Variants in DOCK1 observed in about 807,000 individuals in gnomAD.
The protein encoded by DOCK1 is dedicator of cytokinesis protein 1.
In DOCK1, 138 loss-of-function variants were observed where a neutral mutation model predicts 262.7. The observed-to-expected ratio is 0.53, with a 90% confidence interval of 0.46 to 0.61. The LOEUF (loss-of-function observed/expected upper bound fraction) is 0.61, where lower values mean the gene tolerates loss of function less well. DOCK1 is among the 20% of genes least tolerant of loss of function. The pLI is 0.00. For missense variants in DOCK1, 1,908 were observed against 2,370.7 expected, an observed-to-expected ratio of 0.80 and a Z score of 4.05; for synonymous variants, 866 against 867.4, an observed-to-expected ratio of 1.00 and a Z score of 0.03.
At chr10:127,428,456 G>A (rs1013287065) in intron 47 of DOCK1, among the ~76,000 whole-genome samples, 1 of 151,424 alleles carries the variant, frequency 6.6e-6, no homozygotes, top group Admixed American at 6.6e-5. Flanking sequence ...GTGCCTTGTG[G>A]ATTGGGGTGC....
Position 127,375,216 on chromosome 10 carries a change from G to A in DOCK1, c.3675+1002G>A, listed in dbSNP as rs560847753. ...GGCCAGCCTCATGGCTCTCAGCAGC[G>A]TTGTGATTCCCACAGCCTGGCTCCA... On this transcript the variant is annotated intron_variant, in intron 35 of 51. Coordinates refer to ENST00000623213, the MANE Select transcript of DOCK1 (RefSeq NM_001290223.2). Among the ~76,000 whole-genome samples the A allele has an allele frequency of 1.1e-3, 163 of 152,358 alleles. 1 individual carries two copies. Among genetic ancestry groups the A allele is most frequent in the African/African-American group, 2.0e-3 (82 of 41,578 alleles).
intron 29 of DOCK1, among the ~76,000 whole-genome samples, chr10:127,261,393 A>G (rs1321346301): frequency 2.3e-5 from 2 of 85,926 alleles, no homozygotes; most frequent in Non-Finnish European, 4.5e-5. Flanking sequence ...GTGTACCTGC[A>G]TGTGTGTGCA....
At chr10:127,365,897 A>C (rs2064878524) in intron 33 of DOCK1, among the ~76,000 whole-genome samples, 1 of 152,190 alleles carries the variant, frequency 6.6e-6, no homozygotes, top group Non-Finnish European at 1.5e-5. Flanking sequence ...CCGCCTTCCC[A>C]TTGGGGCTTC....
intron 23 of DOCK1, among the ~76,000 whole-genome samples, chr10:127,067,406 A>G (rs1469800144): frequency 1.3e-5 from 2 of 152,310 alleles, no homozygotes; most frequent in East Asian, 3.9e-4. Context: ...AGTCTGTTCC[A>G]TCTGGGGCTG....
At chr10:127,003,359 G>A (rs566942381) in intron 10 of DOCK1, among the ~76,000 whole-genome samples, 374 of 152,146 alleles carry the variant, frequency 2.5e-3, no homozygotes, top group African/African-American at 8.4e-3. Context: ...ATGAACCTGC[G>A]TGAACCTGTG....
chr10:127,190,151 A>G (rs568338884), intron 27 of DOCK1, among the ~76,000 whole-genome samples: 5 of 152,346 alleles, frequency 3.3e-5, no homozygotes, highest in Admixed American at 3.3e-4. Flanking sequence ...AAATTCAAAG[A>G]CATTCTTTCT....
chr10:127,017,822 C>T (rs16906445), intron 12 of DOCK1, among the ~76,000 whole-genome samples: 3,654 of 152,284 alleles, frequency 0.024, 96 homozygotes, highest in East Asian at 0.089. Flanking sequence ...TCGTAGAAGA[C>T]AGCTCAGGCC....
rs1009409899 is a variant in DOCK1, at chr10:126,952,099, C to T, written c.47-18603C>T. Among the ~76,000 whole-genome samples, 1,042 of 152,140 alleles carry T rather than the reference C, an allele frequency of 6.8e-3. 7 individuals are homozygous for T. The highest frequency in any genetic ancestry group is 0.024 in the African/African-American group (997 of 41,528). On this transcript the variant is annotated intron_variant, in intron 1 of 51. Transcript: ENST00000623213. The stretch of plus-strand genomic sequence containing the variant: ...TCTTGACCTTGTGATCCGCCCACCT[C>T]GGCCTCCCAGAGGGGTGGGATTACA...
chr10:127,118,505 A>T (rs756587355), intron 25 of DOCK1, among the ~76,000 whole-genome samples: 42 of 152,220 alleles, frequency 2.8e-4, no homozygotes, highest in Admixed American at 7.9e-4. Context: ...CCTTTAAAGG[A>T]TGGCTCGCTT....
chr10:127,245,803 G>A (rs78828037), intron 27 of DOCK1, among the ~76,000 whole-genome samples: 1,785 of 152,244 alleles, frequency 0.012, 31 homozygotes, highest in African/African-American at 0.036. Context: ...CTTTCAGCCT[G>A]ATCATTTAAG....
chr10:127,134,332 C>G (rs1445836629), intron 27 of DOCK1, among the ~76,000 whole-genome samples: 1 of 152,110 alleles, frequency 6.6e-6, no homozygotes, highest in Non-Finnish European at 1.5e-5. Flanking sequence ...CCATTTACAC[C>G]CAGTAGTCCA....
chr10:127,397,563 T>C (rs10829964), intron 38 of DOCK1, among the ~76,000 whole-genome samples: 99,398 of 142,912 alleles, frequency 0.7, 34,154 homozygotes, highest in Middle Eastern at 0.76. Context: ...ATGAGTTACA[T>C]GGGCAGTGTG....
chr10:127,298,667 A>G (rs2061581492), intron 29 of DOCK1, among the ~76,000 whole-genome samples: 1 of 152,242 alleles, frequency 6.6e-6, no homozygotes, highest in South Asian at 2.1e-4. Context: ...ATTAAATCCT[A>G]GGAAGACACA....
chr10:127,032,364 C>T (rs1247328806), intron 18 of DOCK1, 44 bp downstream of exon 18: 3 of 1,459,780 alleles, frequency 2.1e-6, no homozygotes, highest in African/African-American at 1.4e-5. Flanking sequence ...GAGCTCTGCC[C>T]CAGTCCTGTC....
rs189362790 is a variant in DOCK1 at position 126,919,914 on chromosome 10, T to C, written c.46+14351T>C. 1.0e-2 allele frequency among the ~76,000 whole-genome samples: 1,522 copies of C among 152,322 alleles called. 16 individuals carry two copies. Among genetic ancestry groups the C allele is most frequent in the Middle Eastern group, 0.024 (7 of 294 alleles). On this transcript the variant is annotated intron_variant, in intron 1 of 51. Transcript: ENST00000623213. ...GAGATTTCATCATAGCAAAATGTCATGAACTGCCTGGAGAACCATGAGTTT... is the reference window on the plus strand; with the variant it reads ...GAGATTTCATCATAGCAAAATGTCACGAACTGCCTGGAGAACCATGAGTTT...
chr10:127,285,864 A>G (rs1347118737), intron 29 of DOCK1, among the ~76,000 whole-genome samples: 4 of 152,174 alleles, frequency 2.6e-5, no homozygotes, highest in Admixed American at 6.5e-5. Flanking sequence ...AAAGACCTCT[A>G]TCTGGGCTCC....
At chr10:127,127,478 T>C (rs1481091731) in intron 26 of DOCK1, among the ~76,000 whole-genome samples, 191 bp from the exon 27 acceptor site, 3 of 152,254 alleles carry the variant, frequency 2.0e-5, no homozygotes, top group African/African-American at 7.2e-5. Context: ...TTATCATTAA[T>C]GGACTATAAT....
intron 27 of DOCK1, among the ~76,000 whole-genome samples, chr10:127,218,934 C>A (rs2058318836): frequency 6.6e-6 from 1 of 152,112 alleles, no homozygotes; most frequent in Admixed American, 6.5e-5. Flanking sequence ...AAAGCTGTGT[C>A]CCCTCCTGGT....
chr10:127,315,189 T>TGGG (rs376380835), intron 29 of DOCK1, among the ~76,000 whole-genome samples: 33 of 152,208 alleles, frequency 2.2e-4, no homozygotes, highest in African/African-American at 7.5e-4. Flanking sequence ...AAGATGGTGG[T>TGGG]GGTGTTAACA....
Sources: allele counts gnomAD v4.1 joint callset (sites outside exome capture counted in the v4.1 genomes callset), GRCh38; gene constraint gnomAD v4.1.1; transcripts MANE v1.5; gene names NCBI Gene and HGNC (gene_info 2026-07-23, HGNC 2026-07-21).